The following AKAP13 variants were observed in gnomAD, a reference collection of about 807,000 sequenced individuals.
The protein encoded by AKAP13 is A-kinase anchor protein 13.
In AKAP13, 80 loss-of-function variants were observed where a neutral mutation model predicts 264.5. That is an observed-to-expected ratio of 0.30 (90% CI 0.25 to 0.36). AKAP13 has a LOEUF of 0.36. Among genes scored for constraint, AKAP13 ranks in the 10% least tolerant of loss-of-function variants. AKAP13 has a pLI of 1.00. For missense variants in AKAP13, 3,712 were observed against 3,435.2 expected (o/e 1.08, Z -2.01); for synonymous variants, 1,380 against 1,250.2 (o/e 1.10, Z -2.19).
intron 8 of AKAP13, among the ~76,000 whole-genome samples, chr15:85,591,100 A>T (rs2079560562): frequency 1.3e-5 from 2 of 152,192 alleles, no homozygotes; most frequent in Non-Finnish European, 2.9e-5. Flanking sequence ...AACCTTAAAG[A>T]TTTTCTGAAG....
intron 2 of AKAP13, among the ~76,000 whole-genome samples, chr15:85,518,035 G>T (rs2076672418): frequency 6.6e-6 from 1 of 152,148 alleles, no homozygotes; most frequent in African/African-American, 2.4e-5. Context: ...TTAATAAGTT[G>T]ATCTATTTTA....
chr15:85,741,462 C>A lies in AKAP13; in HGVS notation c.8025C>A (p.Leu2675=). ...AGCTGCGCCGGGAGGCAGAGCGGCT[C>A]AGCCAGCGGCAGACAGAACGGGACC... is the stretch of plus-strand genomic sequence containing the variant. ...QEQLRREAER[L]SQRQTERDLC... is the part of the protein sequence containing the mutation. Residue 2675 remains leucine (L), a synonymous_variant, in exon 35 of 37, where the codon CTC becomes CTA. Coordinates refer to ENST00000394518, the MANE Select transcript of AKAP13 (RefSeq NM_007200.5). The A allele has an allele frequency of 6.2e-7, 1 of 1,604,096 alleles. No homozygotes were observed. The highest frequency in any genetic ancestry group is 1.1e-5 in the South Asian group (1 of 90,612).
In AKAP13 at chr15:85,736,239, G is replaced by T. The variant is rs1214724662; in HGVS notation, c.7557+105G>T. 5.5e-6 allele frequency: 5 copies of T among 908,612 alleles called. No individual in the cohort carries two copies. In the Admixed American group the frequency reaches 9.4e-5, roughly 17 times the overall value. The allele number at this position is 908,612 out of a possible 1,614,324, so 56.3% of individuals were successfully genotyped here. A position where few individuals can be genotyped will look rare whatever the true frequency, so the allele number is the denominator to read the frequency against. ...TTTTTTCTTTTTGCTGTTACAAAGA[G>T]GCTAACTGCTGGCTATCATCTGTAT... is the stretch of plus-strand genomic sequence containing the variant. On this transcript the variant is annotated intron_variant, in intron 33 of 36. Transcript: ENST00000394518.
chr15:85,427,611 T>C (rs2150916767), intron 1 of AKAP13, among the ~76,000 whole-genome samples: 1 of 152,314 alleles, frequency 6.6e-6, no homozygotes, highest in East Asian at 1.9e-4. Flanking sequence ...CCGTTGAAAG[T>C]ATCTTGTCAA....
intron 1 of AKAP13, among the ~76,000 whole-genome samples, chr15:85,420,651 T>C (rs1173596294): frequency 1.3e-5 from 2 of 152,144 alleles, no homozygotes; most frequent in African/African-American, 4.8e-5. Flanking sequence ...GGTAAAAGTG[T>C]GGGGACCATT....
At chr15:85,483,515 A>G (rs1193227142) in intron 1 of AKAP13, among the ~76,000 whole-genome samples, 1 of 148,296 alleles carries the variant, frequency 6.7e-6, no homozygotes, top group Admixed American at 6.6e-5. Context: ...AGTCCCAGCT[A>G]CTGGGGAGGC....
chr15:85,740,043 T>C (rs2088839988), intron 33 of AKAP13, among the ~76,000 whole-genome samples, 179 bp from the exon 34 acceptor site: 1 of 152,238 alleles, frequency 6.6e-6, no homozygotes, highest in Admixed American at 6.5e-5. Context: ...TCGTTTGTTT[T>C]TCTTGGCTGC....
chr15:85,646,003 C>A (rs748264274), intron 10 of AKAP13, 49 bp downstream of exon 10: 1 of 1,586,834 alleles, frequency 6.3e-7, no homozygotes, highest in Non-Finnish European at 8.5e-7. Context: ...TTTTGTGTTC[C>A]TATTTGGGCT....
intron 1 of AKAP13, among the ~76,000 whole-genome samples, chr15:85,439,401 T>A (rs912200050): frequency 9.2e-5 from 14 of 151,864 alleles, no homozygotes; most frequent in African/African-American, 2.2e-4. Flanking sequence ...CCATTGTGGA[T>A]GTCAGTGTGG....
chr15:85,631,716 G>T (rs189548116), intron 8 of AKAP13, among the ~76,000 whole-genome samples: 1 of 152,120 alleles, frequency 6.6e-6, no homozygotes, highest in African/African-American at 2.4e-5. Flanking sequence ...AGATGTTAAC[G>T]TTGGAGAAAC....
chr15:85,513,916 G>T (rs1388107743), intron 2 of AKAP13, among the ~76,000 whole-genome samples: 2 of 138,470 alleles, frequency 1.4e-5, no homozygotes, highest in African/African-American at 2.9e-5. Context: ...GTCTTTCTCA[G>T]TGTGTGACTC....
At chr15:85,467,740 T>TA (rs1258520402) in intron 1 of AKAP13, among the ~76,000 whole-genome samples, 5 of 152,232 alleles carry the variant, frequency 3.3e-5, no homozygotes, top group African/African-American at 1.2e-4. Context: ...AATAACTGCT[T>TA]ACTGAATTTT....
At chr15:85,527,260 G>T (rs562962524) in intron 3 of AKAP13, among the ~76,000 whole-genome samples, 18 of 152,242 alleles carry the variant, frequency 1.2e-4, no homozygotes, top group Non-Finnish European at 2.5e-4. Context: ...ACCGCACCCG[G>T]CCCTGTTGTA....
chr15:85,722,307 G>A lies in AKAP13; in HGVS notation c.6456G>A (p.Lys2152=). 1.2e-6 allele frequency: 2 copies of A among 1,613,604 alleles called. No homozygotes were observed. The highest frequency in any genetic ancestry group is 1.7e-6 in the Non-Finnish European group (2 of 1,179,792). ...CILLVTQRIT[K]YPVLFQRILQ... The stretch of plus-strand genomic sequence containing the variant: ...TGCTTGTAACTCAGCGGATTACCAA[G>A]TACCCAGTTTTATTCCAAAGAATAT... Residue 2152 remains lysine (K), a synonymous_variant, in exon 25 of 37, where the codon AAG becomes AAA. Transcript: ENST00000394518.
intron 1 of AKAP13, among the ~76,000 whole-genome samples, chr15:85,438,735 T>G (rs1180521181): frequency 5.3e-5 from 8 of 151,796 alleles, no homozygotes; most frequent in Non-Finnish European, 1.0e-4. Context: ...CCCTATTTAA[T>G]AAATGGTGCT....
chr15:85,699,685 C>T (rs1464552243), intron 17 of AKAP13, among the ~76,000 whole-genome samples: 1 of 152,200 alleles, frequency 6.6e-6, no homozygotes, highest in African/African-American at 2.4e-5. Flanking sequence ...CAGCTGATCT[C>T]TGATGAAGGC....
At chr15:85,569,921 C>A (rs1468811591) in intron 5 of AKAP13, among the ~76,000 whole-genome samples, 1 of 151,520 alleles carries the variant, frequency 6.6e-6, no homozygotes, top group African/African-American at 2.4e-5. Flanking sequence ...ACTAAAAATA[C>A]CAAAAATTAG....
intron 8 of AKAP13, chr15:85,620,135 C>T: frequency 3.3e-6 from 5 of 1,536,074 alleles, no homozygotes; most frequent in Non-Finnish European, 4.4e-6. Context: ...TGTGACATCT[C>T]CAAGGTGGAC....
intron 8 of AKAP13, among the ~76,000 whole-genome samples, chr15:85,630,184 CACACACACACACACACACACACACATCAT>C (rs2081650212): frequency 1.3e-5 from 1 of 76,162 alleles, no homozygotes; most frequent in Non-Finnish European, 2.8e-5. Context: ...CACACACACA[CACACACACACACACACACACACACATCAT>C]GAACTAAGAT....
Sources: gnomAD v4.1 joint callset for allele counts (sites outside exome capture counted in the v4.1 genomes callset) on GRCh38, gnomAD v4.1.1 for gene constraint, MANE v1.5 for transcripts, NCBI Gene and HGNC (gene_info 2026-07-23, HGNC 2026-07-21) for gene names.